Variants in UPF2 observed in about 807,000 individuals in gnomAD.
UPF2 encodes UPF2 regulator of nonsense mediated mRNA decay, also known as regulator of nonsense transcripts 2.
Under a neutral mutation model 141.4 loss-of-function variants are expected in UPF2, and 17 were observed. That is an observed-to-expected ratio of 0.12 (90% CI 0.08 to 0.18). The LOEUF is 0.18. Ranked by LOEUF, UPF2 falls within the 10% of genes least tolerant of loss-of-function variation. UPF2 has a pLI of 1.00. For synonymous variants in UPF2, 540 were observed against 498.0 expected, an observed-to-expected ratio of 1.08 and a Z score of -1.12; for missense variants, 1,152 against 1,515.9, an observed-to-expected ratio of 0.76 and a Z score of 3.99.
intron 19 of UPF2, among the ~76,000 whole-genome samples, chr10:11,933,542 T>C (rs1026332152): frequency 2.0e-5 from 3 of 152,292 alleles, no homozygotes; most frequent in Admixed American, 1.3e-4. Flanking sequence ...TTCAAATTCA[T>C]TTACATAAAA....
chr10:11,954,595 C>T (rs1833119163), intron 14 of UPF2, among the ~76,000 whole-genome samples: 1 of 148,442 alleles, frequency 6.7e-6, no homozygotes, highest in Admixed American at 6.8e-5. Context: ...GATTGCACCA[C>T]TGCACTCCAG....
intron 8 of UPF2, among the ~76,000 whole-genome samples, chr10:11,996,300 A>G (rs1833863305): frequency 6.6e-6 from 1 of 152,032 alleles, no homozygotes; most frequent in South Asian, 2.1e-4. Flanking sequence ...TCATGGCTCT[A>G]GAATACTTGC....
At chr10:11,929,029 T>A (rs1282026680) in intron 21 of UPF2, among the ~76,000 whole-genome samples, 2 of 151,974 alleles carry the variant, frequency 1.3e-5, no homozygotes, top group Non-Finnish European at 1.5e-5. Flanking sequence ...TGCCCTATTG[T>A]CCCAGCTACT....
rs556189568 is a variant in UPF2, at chr10:11,993,295, C to T, written c.1844+4377G>A. ...TATGTAATTCACAATTAAGTTTTAT[C>T]TATACAACAAATAACACAACAGTAA... On this transcript the variant is annotated intron_variant, in intron 8 of 21. Transcript: ENST00000357604. 2.6e-5 allele frequency among the ~76,000 whole-genome samples: 4 copies of T among 151,882 alleles called. No homozygotes were observed. In the South Asian group the frequency reaches 8.3e-4, roughly 32 times the overall value.
chr10:12,035,722 C>G, intron 1 of UPF2: 3 of 238,732 alleles, frequency 1.3e-5, no homozygotes. Context: ...AAGGAACCTC[C>G]ACGTACCCAT....
chr10:12,000,073 A>C, intron 6 of UPF2, 64 bp from the exon 7 acceptor site: 2 of 1,339,352 alleles, frequency 1.5e-6, no homozygotes, highest in Non-Finnish European at 2.1e-6. Flanking sequence ...AAAACATCCA[A>C]TGATGAATTA....
At chr10:12,025,473 C>A (rs1369472552) in intron 3 of UPF2, among the ~76,000 whole-genome samples, 1 of 152,042 alleles carries the variant, frequency 6.6e-6, no homozygotes, top group South Asian at 2.1e-4. Flanking sequence ...ATTGCTTTAA[C>A]CCGGGAGGCA....
chr10:12,014,701 A>G lies in UPF2; in HGVS notation c.1146-517T>C, dbSNP rs972565412. On this transcript the variant is annotated intron_variant, in intron 3 of 21. Coordinates refer to ENST00000357604, the MANE Select transcript of UPF2 (RefSeq NM_015542.4). The surrounding 1 kb of genome is among the most constrained non-coding windows in gnomAD (Gnocchi z 5.0). The stretch of plus-strand genomic sequence containing the variant: ...ATACAGAACTAACCAAAAATATTTA[A>G]CACAACTACACAACTCAGTTTTCAA... Among the ~76,000 whole-genome samples the G allele has an allele frequency of 1.3e-5, 2 of 152,238 alleles. No homozygotes were observed. Among genetic ancestry groups the G allele is most frequent in the African/African-American group, 4.8e-5 (2 of 41,466 alleles).
intron 9 of UPF2, among the ~76,000 whole-genome samples, chr10:11,978,214 CAGTG>C (rs1833537860): frequency 6.6e-6 from 1 of 152,178 alleles, no homozygotes; most frequent in African/African-American, 2.4e-5. Context: ...GACTGGTGCA[CAGTG>C]AGTGAGAGAA....
intron 9 of UPF2, among the ~76,000 whole-genome samples, chr10:11,971,586 A>C (rs1454647547): frequency 6.6e-6 from 1 of 152,196 alleles, no homozygotes; most frequent in Admixed American, 6.5e-5. Flanking sequence ...ATGATCAAAA[A>C]TATGTCAAAA....
In UPF2 at chr10:11,942,688, T is replaced by C; in HGVS notation, c.3355A>G (p.Lys1119Glu). ...ACCTGTAGATTTTCTAGCATCATTT[T>C]ATCCAGAGCTTGAATGAAGTCCTCA... ...EDEDFIQALD[K>E]MMLENLQQRS... Residue 1119 changes from lysine to glutamate, a missense_variant, in exon 18 of 22, where the codon AAA (lysine) becomes GAA (glutamate). Physicochemically the swap from Lys to Glu is moderately conservative, Grantham distance 56. This residue lies in a region of UPF2 where 202 missense variants were observed against 223.6 expected (regional missense o/e 0.90). Transcript: ENST00000357604. 1 of 1,614,042 alleles carries C rather than the reference T, an allele frequency of 6.2e-7. No homozygotes were observed. The highest frequency in any genetic ancestry group is 8.5e-7 in the Non-Finnish European group (1 of 1,179,966).
Position 11,978,983 on chromosome 10 carries a change from A to T in UPF2, c.1953+74T>A. 4 of 1,219,750 alleles carry T rather than the reference A, an allele frequency of 3.3e-6. No individual in the cohort carries two copies. The South Asian group carries it at 5.3e-5, about 16-fold the overall frequency. 75.6% of individuals were successfully genotyped at this position (1,219,750 alleles called of 1,614,324 possible). ...AAATTTCAAGAATATGCTTACCAACAATTACATTCTTAAAGAATCCTCACT... is the reference window on the plus strand; with the variant it reads ...AAATTTCAAGAATATGCTTACCAACTATTACATTCTTAAAGAATCCTCACT... On this transcript the variant is annotated intron_variant, in intron 9 of 21. Coordinates refer to ENST00000357604, the MANE Select transcript of UPF2 (RefSeq NM_015542.4).
intron 12 of UPF2, among the ~76,000 whole-genome samples, chr10:11,957,011 A>G (rs1833162783): frequency 1.3e-5 from 2 of 152,166 alleles, no homozygotes; most frequent in South Asian, 4.1e-4. Flanking sequence ...TGTAGAGGCG[A>G]GATCTTCCTA....
In UPF2 at chr10:12,035,199, T is replaced by C. The variant is rs1366590122; in HGVS notation, c.225A>G (p.Lys75=). ...RKKEDKERKK[K]DEEKVKAEEE... is the part of the protein sequence containing the mutation. ...CCTCTGCCTTCACCTTTTCTTCGTC[T>C]TTTTTCTTGCGTTCCTTGTCTTCCT... Residue 75 remains lysine (K), a synonymous_variant, in exon 2 of 22, where the codon AAA becomes AAG. Transcript: ENST00000357604. The C allele has an allele frequency of 6.2e-7, 1 of 1,613,500 alleles. No individual in the cohort carries two copies. The highest frequency in any genetic ancestry group is 8.5e-7 in the Non-Finnish European group (1 of 1,179,964).
intron 21 of UPF2, chr10:11,928,804 A>G (rs1832746005): frequency 4.5e-6 from 1 of 222,944 alleles, no homozygotes; most frequent in African/African-American, 2.4e-5. Flanking sequence ...CTCACATTAA[A>G]CAATTTAACT....
rs1833929100 is a variant in UPF2, at chr10:12,000,107, C to G, written c.1655-98G>C. 1.3e-5 allele frequency: 13 copies of G among 993,718 alleles called. No homozygotes were observed. The South Asian group carries it at 1.8e-4, about 14-fold the overall frequency. 61.6% of individuals were successfully genotyped at this position (993,718 alleles called of 1,614,324 possible). Reference sequence around the variant, plus strand: ...TATTTGGAAAATAGATAATCTAGACCAATTTTTGTGCCCAGGAAAACATTA... The same window carrying G: ...TATTTGGAAAATAGATAATCTAGACGAATTTTTGTGCCCAGGAAAACATTA... On this transcript the variant is annotated intron_variant, in intron 6 of 21. Coordinates refer to ENST00000357604, the MANE Select transcript of UPF2 (RefSeq NM_015542.4).
chr10:11,932,171 T>C (rs1228036511), intron 19 of UPF2, among the ~76,000 whole-genome samples: 1 of 151,466 alleles, frequency 6.6e-6, no homozygotes, highest in Non-Finnish European at 1.5e-5. Context: ...AAAAGGTAGA[T>C]AGATAATTTC....
intron 18 of UPF2, among the ~76,000 whole-genome samples, chr10:11,941,913 C>T (rs1221384048): frequency 3.9e-5 from 6 of 152,182 alleles, no homozygotes; most frequent in African/African-American, 1.4e-4. Context: ...GTTATGAATA[C>T]ATTAAACAAC....
At chr10:11,922,217 C>T (rs771731813) in intron 21 of UPF2, among the ~76,000 whole-genome samples, 3 of 152,164 alleles carry the variant, frequency 2.0e-5, no homozygotes, top group Non-Finnish European at 2.9e-5. Flanking sequence ...GGTTTCCTGC[C>T]GGCGGCCTCC....
Sources: gnomAD v4.1 joint callset for allele counts (sites outside exome capture counted in the v4.1 genomes callset) on GRCh38, gnomAD v4.1.1 for gene constraint, gnomAD v4.1.1 regional missense constraint, Gnocchi (gnomAD v3.1) non-coding constraint, MANE v1.5 for transcripts, NCBI Gene and HGNC (gene_info 2026-07-23, HGNC 2026-07-21) for gene names.